The following CHSY1 variants were observed in gnomAD, a reference collection of about 807,000 sequenced individuals.
The protein encoded by CHSY1 is N-acetylgalactosaminyl-proteoglycan 3-beta-glucuronosyltransferase 1.
Under a neutral mutation model 59.8 loss-of-function variants are expected in CHSY1, and 13 were observed. The observed-to-expected ratio is 0.22, with a 90% CI of 0.14 to 0.35. The LOEUF (loss-of-function observed/expected upper bound fraction) is 0.35, where lower values mean the gene tolerates loss of function less well. Among genes scored for constraint, CHSY1 ranks in the 10% least tolerant of loss-of-function variants. CHSY1 has a pLI of 1.00. For missense variants in CHSY1, 947 were observed against 1,030.6 expected (o/e 0.92, Z 1.11); for synonymous variants, 459 against 401.2 (o/e 1.14, Z -1.72).
intron 2 of CHSY1, among the ~76,000 whole-genome samples, chr15:101,208,824 T>C (rs1187532318): frequency 6.6e-6 from 1 of 151,990 alleles, no homozygotes; most frequent in African/African-American, 2.4e-5. Context: ...TTATAACTCA[T>C]TAAATAAAAT....
chr15:101,178,187 A>G lies in CHSY1; in HGVS notation c.1610T>C (p.Leu537Pro). 6.2e-7 allele frequency: 1 copy of G among 1,614,218 alleles called. No individual in the cohort carries two copies. Among genetic ancestry groups the G allele is most frequent in the South Asian group, 1.1e-5 (1 of 91,082 alleles). The change falls in exon 3 of 3, where the codon CTG (leucine) becomes CCG (proline). Residue 537 changes from leucine to proline, a missense_variant. Leu to Pro is a moderately conservative substitution (Grantham distance 98). Coordinates refer to ENST00000254190, the MANE Select transcript of CHSY1 (RefSeq NM_014918.5). ...GTCGAAACGCCCAGACAAAGGAATC[A>G]GTATGTTTATCTTTTTATCTTTGGG... The part of the protein sequence containing the change: ...KEPKDKKINI[L>P]IPLSGRFDMF...
intron 2 of CHSY1, among the ~76,000 whole-genome samples, chr15:101,198,956 GCC>G (rs2038539803): frequency 6.6e-6 from 1 of 152,168 alleles, no homozygotes; most frequent in South Asian, 2.1e-4. Flanking sequence ...TTATGCTGGA[GCC>G]CCACTTACTG....
At chr15:101,250,398 T>C (rs774078103) in intron 1 of CHSY1, among the ~76,000 whole-genome samples, 1 of 152,230 alleles carries the variant, frequency 6.6e-6, no homozygotes, top group Non-Finnish European at 1.5e-5. Flanking sequence ...AGAGACTACA[T>C]TGGCTAATCC....
At chr15:101,206,076 G>A (rs1289538874) in intron 2 of CHSY1, among the ~76,000 whole-genome samples, 1 of 152,148 alleles carries the variant, frequency 6.6e-6, no homozygotes, top group African/African-American at 2.4e-5. Flanking sequence ...AGGATTCCAG[G>A]ACATTTGATT....
intron 1 of CHSY1, among the ~76,000 whole-genome samples, chr15:101,248,833 A>C (rs1176088733): frequency 2.6e-5 from 4 of 151,962 alleles, no homozygotes; most frequent in South Asian, 2.1e-4. Flanking sequence ...GCCCCCCAGG[A>C]TGGAGCGCAG....
chr15:101,209,988 CTGAG>C (rs781010950), intron 2 of CHSY1, among the ~76,000 whole-genome samples: 13 of 152,180 alleles, frequency 8.5e-5, no homozygotes, highest in Non-Finnish European at 1.5e-4. Context: ...CGTTAAAATA[CTGAG>C]TAAGTTTCTT....
rs576644950 is a variant in CHSY1, at chr15:101,204,302, C to T, written c.817-25322G>A. Among the ~76,000 whole-genome samples the T allele has an allele frequency of 2.9e-3, 441 of 151,982 alleles. 2 individuals are homozygous for T. Among genetic ancestry groups the T allele is most frequent in the Non-Finnish European group, 5.2e-3 (355 of 67,958 alleles). On this transcript the variant is annotated intron_variant, in intron 2 of 2. Transcript: ENST00000254190. ...TACAAAAATTAGCTGGGCGTGGTGG[C>T]GTGCACCTGTAATCCCAGCTACTCG...
At chr15:101,207,332 G>A (rs987367563) in intron 2 of CHSY1, among the ~76,000 whole-genome samples, 2 of 152,194 alleles carry the variant, frequency 1.3e-5, no homozygotes, top group South Asian at 2.1e-4. Context: ...AAGAATCAGC[G>A]TCACCAAGTC....
chr15:101,237,616 C>T (rs1267093656), intron 1 of CHSY1, among the ~76,000 whole-genome samples: 5 of 151,988 alleles, frequency 3.3e-5, no homozygotes, highest in Non-Finnish European at 5.9e-5. Context: ...TAAGAGACAA[C>T]GGTTGCCCAT....
chr15:101,242,228 AAAGT>A (rs1287137366), intron 1 of CHSY1, among the ~76,000 whole-genome samples: 2 of 152,220 alleles, frequency 1.3e-5, no homozygotes, highest in African/African-American at 4.8e-5. Context: ...AGACCAAAGA[AAAGT>A]AAGAGTAGGA....
intron 2 of CHSY1, chr15:101,187,992 C>A: frequency 1.0e-6 from 1 of 983,284 alleles, no homozygotes; most frequent in African/African-American, 1.7e-5. Flanking sequence ...TTAACAAATA[C>A]CTTCCACAGT....
intron 2 of CHSY1, among the ~76,000 whole-genome samples, chr15:101,197,137 A>G (rs2038516894): frequency 1.3e-5 from 2 of 152,210 alleles, no homozygotes; most frequent in Non-Finnish European, 2.9e-5. Context: ...CTGTAGTCCA[A>G]GCTACTCAGG....
intron 2 of CHSY1, among the ~76,000 whole-genome samples, chr15:101,224,797 C>G (rs1401757394): frequency 6.6e-6 from 1 of 152,218 alleles, no homozygotes; most frequent in Non-Finnish European, 1.5e-5. Context: ...AACAACACTG[C>G]CACCACCAGA....
intron 2 of CHSY1, among the ~76,000 whole-genome samples, chr15:101,199,977 C>G (rs751419532): frequency 6.6e-6 from 1 of 152,198 alleles, no homozygotes; most frequent in African/African-American, 2.4e-5. Context: ...TCTGAAGCAT[C>G]GTTCTGAATA....
chr15:101,237,406 C>G (rs2038956589), intron 1 of CHSY1, among the ~76,000 whole-genome samples: 1 of 152,170 alleles, frequency 6.6e-6, no homozygotes, highest in South Asian at 2.1e-4. Flanking sequence ...CCGAAGGAAG[C>G]CAGAGTGGAC....
At chr15:101,180,990 C>T (rs74324533) in intron 2 of CHSY1, among the ~76,000 whole-genome samples, 3,735 of 152,270 alleles carry the variant, frequency 0.025, 138 homozygotes, top group African/African-American at 0.086. Flanking sequence ...TATTTGCAGG[C>T]CATAAAACCT....
chr15:101,224,097 C>CT (rs1410137430), intron 2 of CHSY1, among the ~76,000 whole-genome samples: 7 of 152,250 alleles, frequency 4.6e-5, no homozygotes, highest in Admixed American at 1.3e-4. Context: ...GAGCCGCAGG[C>CT]TACACCATAC....
chr15:101,196,691 T>G (rs1203941155), intron 2 of CHSY1, among the ~76,000 whole-genome samples: 1 of 152,140 alleles, frequency 6.6e-6, no homozygotes, highest in Non-Finnish European at 1.5e-5. Flanking sequence ...AAAGCCACAA[T>G]TTAAATGTAA....
At chr15:101,229,086 A>G (rs2141271593) in intron 2 of CHSY1, among the ~76,000 whole-genome samples, 1 of 152,326 alleles carries the variant, frequency 6.6e-6, no homozygotes, top group South Asian at 2.1e-4. Context: ...ACTAAAAAAT[A>G]CAGTAAAAGA....
Sources: gnomAD v4.1 joint callset for allele counts (sites outside exome capture counted in the v4.1 genomes callset) on GRCh38, gnomAD v4.1.1 for gene constraint, MANE v1.5 for transcripts, NCBI Gene and HGNC (gene_info 2026-07-23, HGNC 2026-07-21) for gene names.